CDCP1: variants seen among roughly 807,000 people sequenced by gnomAD.
CDCP1 encodes the protein CUB domain-containing protein 1.
Under a neutral mutation model 60.2 loss-of-function variants are expected in CDCP1, and 29 were observed. That is an observed-to-expected ratio of 0.48 (90% confidence interval 0.36 to 0.66). CDCP1 has a LOEUF of 0.66. Among genes scored for constraint, CDCP1 ranks in the 30% least tolerant of loss-of-function variants. CDCP1 has a pLI of 0.00. For synonymous variants in CDCP1, 387 were observed against 431.1 expected (o/e 0.90, Z 1.27); for missense variants, 876 against 1,074.3 (o/e 0.82, Z 2.58).
intron 2 of CDCP1, among the ~76,000 whole-genome samples, chr3:45,113,359 C>A (rs1056513963): frequency 6.6e-6 from 1 of 152,038 alleles, no homozygotes; most frequent in African/African-American, 2.4e-5. Context: ...GTTTCCTAAG[C>A]CTTTTAAAAC....
chr3:45,119,220 TCA>T (rs1275045934), intron 1 of CDCP1, among the ~76,000 whole-genome samples: 1 of 152,150 alleles, frequency 6.6e-6, no homozygotes, highest in African/African-American at 2.4e-5. Context: ...TGCTATTATC[TCA>T]GATTGGGGTT....
At chr3:45,100,611 C>T (rs1011204581) in intron 4 of CDCP1, among the ~76,000 whole-genome samples, 20 of 152,122 alleles carry the variant, frequency 1.3e-4, no homozygotes, top group African/African-American at 3.6e-4. Flanking sequence ...AAATGTTATA[C>T]GATATTTTTT....
chr3:45,107,998 A>G (rs1244736430), intron 4 of CDCP1, among the ~76,000 whole-genome samples: 3 of 152,018 alleles, frequency 2.0e-5, no homozygotes, highest in African/African-American at 7.2e-5. Flanking sequence ...GGCGCCTGTA[A>G]TCCCAGCTAC....
At position 45,144,487 on chromosome 3, in the gene CDCP1, A is replaced by G. The variant is rs148688632; in HGVS notation, c.82+1719T>C. 1.6e-3 allele frequency among the ~76,000 whole-genome samples: 245 copies of G among 152,314 alleles called. 1 individual carries two copies. Among genetic ancestry groups the G allele is most frequent in the African/African-American group, 5.5e-3 (230 of 41,566 alleles). On this transcript the variant is annotated intron_variant, in intron 1 of 8. Transcript: ENST00000296129. ...AAAGTTCCTAGGTTTCTACGTATTT[A>G]TGTATTGAACCATGAGACAGGGCTC...
At chr3:45,099,285 T>G (rs922088942) in intron 4 of CDCP1, among the ~76,000 whole-genome samples, 1 of 152,208 alleles carries the variant, frequency 6.6e-6, no homozygotes, top group African/African-American at 2.4e-5. Flanking sequence ...TATAAAATTC[T>G]AGGTTGGAAA....
chr3:45,087,250 T>A (rs1398612964), intron 8 of CDCP1, among the ~76,000 whole-genome samples: 1 of 152,184 alleles, frequency 6.6e-6, no homozygotes, highest in Non-Finnish European at 1.5e-5. Context: ...TGGCATTGTC[T>A]CTCCTCATTC....
intron 1 of CDCP1, among the ~76,000 whole-genome samples, chr3:45,144,899 C>G (rs575991433): frequency 1.3e-5 from 2 of 152,150 alleles, no homozygotes; most frequent in African/African-American, 2.4e-5. Context: ...AATCCCAGCA[C>G]TTTGGGAGGC....
intron 4 of CDCP1, among the ~76,000 whole-genome samples, chr3:45,096,623 CAAAAAAA>C (rs5848726): frequency 3.8e-5 from 2 of 53,184 alleles, no homozygotes; most frequent in Non-Finnish European, 6.4e-5. Flanking sequence ...GACTCCGTCT[CAAAAAAA>C]AAAAAAAAAA....
chr3:45,141,728 G>A lies in CDCP1; in HGVS notation c.82+4478C>T, dbSNP rs533838183. Among the ~76,000 whole-genome samples the A allele has an allele frequency of 5.9e-5, 9 of 152,352 alleles. No individual in the cohort carries two copies. The South Asian group carries it at 8.3e-4, about 14-fold the overall frequency. ...CTCCTTACCTGGTTGTCTAGAATGC[G>A]CCAGCTGCCCGGGAGATGAAAATTA... On this transcript the variant is annotated intron_variant, in intron 1 of 8. Transcript: ENST00000296129.
At chr3:45,123,690 C>T (rs113161729) in intron 1 of CDCP1, among the ~76,000 whole-genome samples, 12 of 152,310 alleles carry the variant, frequency 7.9e-5, no homozygotes, top group African/African-American at 2.9e-4. Flanking sequence ...GCAATAAAAA[C>T]AGTGGTAAAA....
At position 45,108,952 on chromosome 3, in the gene CDCP1, TA is replaced by T. The variant is rs1280902838; in HGVS notation, c.1024+1520del. ...GCATGTATACATATATATATATATA[TA>T]TTTTTTTTTTTTTTGAGATGGAGTC... On this transcript the variant is annotated intron_variant, in intron 4 of 8. Transcript: ENST00000296129. Among the ~76,000 whole-genome samples, 439 of 59,856 alleles carry T rather than the reference TA, an allele frequency of 7.3e-3. 175 individuals are homozygous for T. Among genetic ancestry groups the T allele is most frequent in the Non-Finnish European group, 0.01 (280 of 27,952 alleles). 39.3% of individuals were successfully genotyped at this position (59,856 alleles called of 152,430 possible). A position where few individuals can be genotyped will look rare whatever the true frequency, so the allele number is the denominator to read the frequency against.
At chr3:45,134,118 AT>A (rs1184093323) in intron 1 of CDCP1, among the ~76,000 whole-genome samples, 2 of 150,316 alleles carry the variant, frequency 1.3e-5, no homozygotes, top group Non-Finnish European at 3.0e-5. Flanking sequence ...GGAGAAACCC[AT>A]GTTTTTGAGG....
intron 1 of CDCP1, among the ~76,000 whole-genome samples, chr3:45,124,696 C>T (rs1362512653): frequency 1.3e-5 from 2 of 152,150 alleles, no homozygotes. Flanking sequence ...GGAGCAGATC[C>T]CTGCTTTTCA....
At chr3:45,112,614 G>A (rs1316895369) in intron 2 of CDCP1, among the ~76,000 whole-genome samples, 169 bp from the exon 3 acceptor site, 1 of 152,252 alleles carries the variant, frequency 6.6e-6, no homozygotes, top group Non-Finnish European at 1.5e-5. Context: ...AGTGGCCAAT[G>A]GCTCACAGAT....
chr3:45,107,908 G>C (rs1265731117), intron 4 of CDCP1, among the ~76,000 whole-genome samples: 1 of 152,132 alleles, frequency 6.6e-6, no homozygotes, highest in South Asian at 2.1e-4. Flanking sequence ...CTTGAGGCCA[G>C]GAGTTCAAGA....
At chr3:45,122,702 C>G (rs892436362) in intron 1 of CDCP1, among the ~76,000 whole-genome samples, 1 of 152,162 alleles carries the variant, frequency 6.6e-6, no homozygotes, top group Non-Finnish European at 1.5e-5. Context: ...GATTTGCCCA[C>G]CTCGGCCTCC....
chr3:45,109,235 C>T (rs1698646255), intron 4 of CDCP1, among the ~76,000 whole-genome samples: 1 of 151,896 alleles, frequency 6.6e-6, no homozygotes, highest in South Asian at 2.1e-4. Context: ...AGGCATGAGC[C>T]ACCGTGCCCG....
At chr3:45,144,672 T>C (rs1699349705) in intron 1 of CDCP1, among the ~76,000 whole-genome samples, 1 of 152,220 alleles carries the variant, frequency 6.6e-6, no homozygotes, top group Admixed American at 6.5e-5. Context: ...TTCCCCACTG[T>C]TGTCACAGAA....
intron 2 of CDCP1, among the ~76,000 whole-genome samples, chr3:45,115,212 G>GA (rs199953978): frequency 0.023 from 31 of 1,346 alleles, no homozygotes; most frequent in South Asian, 0.095. Context: ...CTGGGTGACA[G>GA]AAAAAAAAAA....
Sources: gnomAD v4.1 joint callset for allele counts (sites outside exome capture counted in the v4.1 genomes callset) on GRCh38, gnomAD v4.1.1 for gene constraint, MANE v1.5 for transcripts, NCBI Gene and HGNC (gene_info 2026-07-23, HGNC 2026-07-21) for gene names.